Variants in RBFOX1 observed in about 807,000 individuals in gnomAD.
The protein encoded by RBFOX1 is RNA binding fox-1 homolog 1, also known as RNA binding protein fox-1 homolog 1.
Under a neutral mutation model 57.7 loss-of-function variants are expected in RBFOX1, and 8 were observed. The ratio of observed to expected loss-of-function variants is 0.14; its 90% confidence interval spans 0.08 to 0.25. The LOEUF (loss-of-function observed/expected upper bound fraction) is 0.25, where lower values mean the gene tolerates loss of function less well. Ranked by LOEUF, RBFOX1 falls within the 10% of genes least tolerant of loss-of-function variation. The pLI is 1.00. For missense variants in RBFOX1, 611 were observed against 548.5 expected (o/e 1.11, Z -1.14); for synonymous variants, 326 against 222.4 (o/e 1.47, Z -4.15).
At chr16:5,422,802 A>AGGAGGAGGAGGAGGGAGTG (rs2067385455) in intron 1 of RBFOX1, among the ~76,000 whole-genome samples, 1 of 109,602 alleles carries the variant, frequency 9.1e-6, no homozygotes, top group African/African-American at 3.5e-5. Flanking sequence ...GGGAAGAAAG[A>AGGAGGAGGAGGAGGGAGTG]GGAGGAGGAG....
At chr16:7,328,938 G>C (rs1568232980) in intron 4 of RBFOX1, 1 of 152,134 alleles carries the variant, frequency 6.6e-6, no homozygotes, top group African/African-American at 2.4e-5. Flanking sequence ...GGTAAGAATG[G>C]TGTTTGCATT....
chr16:7,022,701 A>G (rs1831919019), intron 3 of RBFOX1, among the ~76,000 whole-genome samples: 1 of 152,196 alleles, frequency 6.6e-6, no homozygotes, highest in Non-Finnish European at 1.5e-5. Flanking sequence ...AGAGAAAAAA[A>G]GGTAAGTAGG....
chr16:6,848,257 C>T (rs1260109956), intron 3 of RBFOX1, among the ~76,000 whole-genome samples: 3 of 152,130 alleles, frequency 2.0e-5, no homozygotes, highest in African/African-American at 7.2e-5. Flanking sequence ...AGTCACTTCA[C>T]AGCTGCAGCT....
At chr16:6,253,481 C>A (rs895678141) in intron 1 of RBFOX1, among the ~76,000 whole-genome samples, 1 of 152,126 alleles carries the variant, frequency 6.6e-6, no homozygotes, top group Non-Finnish European at 1.5e-5. Flanking sequence ...AAGTCACATA[C>A]GTAGAGGTCC....
chr16:5,395,094 A>G (rs79828652), intron 1 of RBFOX1, among the ~76,000 whole-genome samples: 1 of 152,122 alleles, frequency 6.6e-6, no homozygotes, highest in East Asian at 1.9e-4. Flanking sequence ...TGGTTTGCCA[A>G]GCATGGTTCG....
intron 3 of RBFOX1, among the ~76,000 whole-genome samples, chr16:5,781,488 A>G (rs963370402): frequency 2.0e-5 from 3 of 152,192 alleles, no homozygotes; most frequent in Non-Finnish European, 2.9e-5. Flanking sequence ...TCAAACACCC[A>G]CACATATTTA....
intron 4 of RBFOX1, among the ~76,000 whole-genome samples, chr16:5,958,408 T>C (rs7189922): frequency 0.34 from 51,497 of 152,018 alleles, 9,857 homozygotes; most frequent in African/African-American, 0.52. Context: ...CTTCCTATCA[T>C]ACAGTGGTTA....
At chr16:6,355,382 G>A (rs1029917751) in intron 2 of RBFOX1, among the ~76,000 whole-genome samples, 3 of 152,048 alleles carry the variant, frequency 2.0e-5, no homozygotes, top group Non-Finnish European at 2.9e-5. Context: ...AGAACATGCG[G>A]TGTTTGGCTT....
At chr16:7,203,430 A>G (rs1386087439) in intron 4 of RBFOX1, among the ~76,000 whole-genome samples, 2 of 152,246 alleles carry the variant, frequency 1.3e-5, no homozygotes, top group African/African-American at 2.4e-5. Flanking sequence ...TTTCAGTATT[A>G]CAAGACAAAA....
At chr16:6,405,126 C>A (rs577028331) in intron 2 of RBFOX1, among the ~76,000 whole-genome samples, 1 of 152,268 alleles carries the variant, frequency 6.6e-6, no homozygotes, top group Admixed American at 6.5e-5. Context: ...GTAAAATTTG[C>A]ACTCTACTCT....
At chr16:6,038,070 T>G (rs1487028405) in intron 1 of RBFOX1, 1 of 152,116 alleles carries the variant, frequency 6.6e-6, no homozygotes, top group Non-Finnish European at 1.5e-5. Context: ...TATCCCTATA[T>G]TTTTTGGCGG....
chr16:6,949,426 C>T (rs777692996), intron 3 of RBFOX1, among the ~76,000 whole-genome samples: 7 of 152,172 alleles, frequency 4.6e-5, no homozygotes, highest in African/African-American at 1.4e-4. Flanking sequence ...TAACAAAATA[C>T]CACAGGCTGG....
chr16:7,275,919 C>G (rs538686836), intron 4 of RBFOX1, among the ~76,000 whole-genome samples: 1 of 152,256 alleles, frequency 6.6e-6, no homozygotes, highest in African/African-American at 2.4e-5. Flanking sequence ...GTTGCTGACT[C>G]CCCTTAGAAG....
chr16:5,651,280 T>A (rs572609030), intron 3 of RBFOX1, among the ~76,000 whole-genome samples: 2 of 152,130 alleles, frequency 1.3e-5, no homozygotes, highest in East Asian at 3.9e-4. Flanking sequence ...CTGGAACTCC[T>A]GGCCTCACGT....
chr16:6,435,527 C>A (rs1597213285), intron 2 of RBFOX1, among the ~76,000 whole-genome samples: 1 of 152,296 alleles, frequency 6.6e-6, no homozygotes, highest in Admixed American at 6.5e-5. Context: ...TCGCCTTGAA[C>A]TCCTTACCTT....
chr16:6,581,891 A>C (rs914413043), intron 2 of RBFOX1, among the ~76,000 whole-genome samples: 2 of 152,248 alleles, frequency 1.3e-5, no homozygotes, highest in African/African-American at 4.8e-5. Context: ...CAACATGTCA[A>C]GGTTTTCTTT....
intron 4 of RBFOX1, among the ~76,000 whole-genome samples, chr16:7,192,800 C>A (rs1165165175): frequency 6.6e-6 from 1 of 152,098 alleles, no homozygotes; most frequent in Non-Finnish European, 1.5e-5. Flanking sequence ...AAAATAAATA[C>A]AACATTTTTA....
intron 3 of RBFOX1, among the ~76,000 whole-genome samples, chr16:5,648,307 C>T (rs537643541): frequency 1.3e-5 from 2 of 152,346 alleles, no homozygotes; most frequent in East Asian, 3.9e-4. Flanking sequence ...CACAACCTCA[C>T]TTTCTTAGGT....
intron 4 of RBFOX1, among the ~76,000 whole-genome samples, chr16:7,140,251 T>C (rs2073385029): frequency 7.3e-6 from 1 of 136,838 alleles, no homozygotes; most frequent in Admixed American, 7.9e-5. Flanking sequence ...ATTTTGTCCA[T>C]TTTTTTTTAA....
Sources: allele counts gnomAD v4.1 joint callset (sites outside exome capture counted in the v4.1 genomes callset), GRCh38; gene constraint gnomAD v4.1.1; transcripts MANE v1.5; gene names NCBI Gene and HGNC (gene_info 2026-07-23, HGNC 2026-07-21).